Variants in CSMD1 observed in about 807,000 individuals in gnomAD.
The protein encoded by CSMD1 is CUB and sushi domain-containing protein 1.
Under a neutral mutation model 417.5 loss-of-function variants are expected in CSMD1, and 213 were observed. The ratio of observed to expected loss-of-function variants is 0.51; its 90% confidence interval spans 0.46 to 0.57. The LOEUF (loss-of-function observed/expected upper bound fraction) is 0.57. Among genes scored for constraint, CSMD1 ranks in the 20% least tolerant of loss-of-function variants. The pLI, the probability that CSMD1 is intolerant of heterozygous loss-of-function variation, is 0.00. For synonymous variants in CSMD1, 2,862 were observed against 1,736.8 expected (o/e 1.65, Z -16.11); for missense variants, 6,923 against 4,529.7 (o/e 1.53, Z -15.17).
chr8:4,458,426 A>G (rs955288133), intron 2 of CSMD1, among the ~76,000 whole-genome samples: 2 of 152,190 alleles, frequency 1.3e-5, no homozygotes, highest in Non-Finnish European at 2.9e-5. Context: ...GATTTTTATC[A>G]GTTGGTTTCT....
chr8:4,020,125 G>C (rs1393114377), intron 4 of CSMD1, among the ~76,000 whole-genome samples: 3 of 152,076 alleles, frequency 2.0e-5, no homozygotes, highest in Admixed American at 6.5e-5. Flanking sequence ...CAGGCTCTTT[G>C]CTAACCATTT....
intron 37 of CSMD1, among the ~76,000 whole-genome samples, chr8:3,171,619 G>C (rs985321249): frequency 1.0e-3 from 154 of 152,226 alleles, no homozygotes; most frequent in Non-Finnish European, 1.1e-3. Flanking sequence ...ATTCTTTCAA[G>C]TTTTAACATC....
At chr8:4,177,721 G>C (rs1355559090) in intron 3 of CSMD1, among the ~76,000 whole-genome samples, 3 of 149,426 alleles carry the variant, frequency 2.0e-5, no homozygotes, top group African/African-American at 7.4e-5. Flanking sequence ...GAATCAAATA[G>C]ATGCAATAAA....
intron 54 of CSMD1, among the ~76,000 whole-genome samples, chr8:2,984,731 T>G (rs1440358172): frequency 6.6e-6 from 1 of 152,238 alleles, no homozygotes; most frequent in East Asian, 1.9e-4. Context: ...GTGGTAATTT[T>G]GGGTCTAGGA....
intron 3 of CSMD1, among the ~76,000 whole-genome samples, chr8:4,300,151 C>G (rs1394488): frequency 0.93 from 142,032 of 152,176 alleles, 66,784 homozygotes; most frequent in East Asian, 1. Flanking sequence ...AGTTATCTTT[C>G]ATAAAAACAA....
intron 3 of CSMD1, among the ~76,000 whole-genome samples, chr8:4,219,288 C>G (rs529545104): frequency 6.6e-6 from 1 of 152,308 alleles, no homozygotes; most frequent in Non-Finnish European, 1.5e-5. Context: ...TCTTTCAGTT[C>G]AAATGCAGGT....
intron 1 of CSMD1, among the ~76,000 whole-genome samples, chr8:4,928,579 T>A (rs1433878875): frequency 6.6e-6 from 1 of 152,172 alleles, no homozygotes; most frequent in Non-Finnish European, 1.5e-5. Context: ...ATGTGCACGA[T>A]CATTTACGAA....
In CSMD1 at chr8:3,501,196, T is replaced by C. The variant is rs996664396; in HGVS notation, c.1345-7470A>G. Among the ~76,000 whole-genome samples the C allele has an allele frequency of 4.6e-5, 7 of 152,122 alleles. No homozygotes were observed. In the East Asian group the frequency reaches 1.4e-3, roughly 29 times the overall value. ...GTTAAACCAAAAGAATCCAAATATA[T>C]CAACTGATCTCTATGATCTTTGCCT... On this transcript the variant is annotated intron_variant, in intron 10 of 69. Coordinates refer to ENST00000635120, the MANE Select transcript of CSMD1 (RefSeq NM_033225.6).
intron 41 of CSMD1, among the ~76,000 whole-genome samples, chr8:3,131,282 A>C (rs984823036): frequency 2.0e-5 from 3 of 152,112 alleles, no homozygotes; most frequent in African/African-American, 7.2e-5. Context: ...ATATCTGCAC[A>C]TGTATACATA....
chr8:4,662,115 C>G (rs576890828), intron 1 of CSMD1, among the ~76,000 whole-genome samples: 1 of 152,182 alleles, frequency 6.6e-6, no homozygotes, highest in South Asian at 2.1e-4. Flanking sequence ...TACACTTTTT[C>G]TTTTCTAATA....
intron 65 of CSMD1, 102 bp from the exon 66 acceptor site, chr8:2,951,377 C>T: frequency 8.4e-7 from 1 of 1,189,416 alleles, no homozygotes; most frequent in Non-Finnish European, 1.2e-6. Flanking sequence ...CGAGCGATCA[C>T]AGATGAGGGC....
At chr8:3,262,521 T>C (rs1342462991) in intron 26 of CSMD1, among the ~76,000 whole-genome samples, 1 of 151,226 alleles carries the variant, frequency 6.6e-6, no homozygotes, top group Non-Finnish European at 1.5e-5. Context: ...CTATAAATGC[T>C]ATTACTTCGG....
chr8:2,984,626 C>T (rs1805710769), intron 54 of CSMD1, among the ~76,000 whole-genome samples: 1 of 152,212 alleles, frequency 6.6e-6, no homozygotes. Context: ...GGATTACAGG[C>T]ATGAGCCACC....
chr8:4,059,794 A>T (rs1421691723), intron 3 of CSMD1, among the ~76,000 whole-genome samples: 1 of 151,796 alleles, frequency 6.6e-6, no homozygotes, highest in African/African-American at 2.4e-5. Context: ...AATTGTGGCA[A>T]TAATCAATAG....
intron 4 of CSMD1, among the ~76,000 whole-genome samples, chr8:4,026,916 C>T (rs1797092292): frequency 6.8e-6 from 1 of 146,710 alleles, no homozygotes; most frequent in Non-Finnish European, 1.5e-5. Context: ...CTTTAAAAAC[C>T]AACCAAACAA....
chr8:3,558,890 G>C (rs1454886841), intron 10 of CSMD1, among the ~76,000 whole-genome samples: 1 of 152,144 alleles, frequency 6.6e-6, no homozygotes, highest in Non-Finnish European at 1.5e-5. Context: ...AGTTGCTCAA[G>C]GTGTCTGAAA....
intron 2 of CSMD1, among the ~76,000 whole-genome samples, chr8:4,601,658 A>G (rs778278317): frequency 6.6e-6 from 1 of 152,106 alleles, no homozygotes; most frequent in Non-Finnish European, 1.5e-5. Context: ...CATTTTTGCA[A>G]TTATTTCTCC....
chr8:2,955,578 C>G lies in CSMD1; in HGVS notation c.9994+11G>C. 6.2e-7 allele frequency: 1 copy of G among 1,612,788 alleles called. No individual in the cohort carries two copies. Among genetic ancestry groups the G allele is most frequent in the African/African-American group, 1.3e-5 (1 of 75,020 alleles). ...TTGGAAAAGTATGCCACTCCTTGAT[C>G]AATGACTTACTTTTACACACAGGCG... On this transcript the variant is annotated intron_variant, in intron 64 of 69. Coordinates refer to ENST00000635120, the MANE Select transcript of CSMD1 (RefSeq NM_033225.6).
intron 3 of CSMD1, among the ~76,000 whole-genome samples, chr8:4,384,963 C>G (rs1032834756): frequency 7.9e-5 from 12 of 152,274 alleles, no homozygotes; most frequent in African/African-American, 2.9e-4. Context: ...CTCTGTCACC[C>G]AGGATGGAGT....
Sources: gnomAD v4.1 joint callset for allele counts (sites outside exome capture counted in the v4.1 genomes callset) on GRCh38, gnomAD v4.1.1 for gene constraint, MANE v1.5 for transcripts, NCBI Gene and HGNC (gene_info 2026-07-23, HGNC 2026-07-21) for gene names.